DPH6: variants seen among roughly 807,000 people sequenced by gnomAD.
DPH6 encodes the protein diphthine--ammonia ligase.
Under a neutral mutation model 38.2 loss-of-function variants are expected in DPH6, and 33 were observed. The ratio of observed to expected loss-of-function variants is 0.86; its 90% confidence interval spans 0.65 to 1.15. DPH6 has a LOEUF of 1.15. Ranked by LOEUF, DPH6 falls within the 50% of genes most tolerant of loss-of-function variation. The pLI, the probability that DPH6 is intolerant of heterozygous loss-of-function variation, is 0.00. For synonymous variants in DPH6, 108 were observed against 103.0 expected (o/e 1.05, Z -0.30); for missense variants, 325 against 320.0 (o/e 1.02, Z -0.12).
At chr15:35,180,893 A>C in the DPH6 span, among the ~76,000 whole-genome samples, 1 of 152,246 alleles carries the variant, frequency 6.6e-6, no homozygotes, top group Non-Finnish European at 1.5e-5. Flanking sequence ...ATAGGCATTG[A>C]AAGTAATTTT....
At chr15:35,496,555 C>CAAAAAAAAAAAAAAA (rs1180094812) in intron 3 of DPH6, among the ~76,000 whole-genome samples, 4 of 49,254 alleles carry the variant, frequency 8.1e-5, no homozygotes, top group South Asian at 1.0e-3. Flanking sequence ...AGTTCCATCT[C>CAAAAAAAAAAAAAAA]AAAAAAAAAA....
chr15:35,393,154 G>C (rs2053082402), intron 6 of DPH6, among the ~76,000 whole-genome samples: 1 of 152,182 alleles, frequency 6.6e-6, no homozygotes, highest in African/African-American at 2.4e-5. Context: ...CTGGATGTAA[G>C]TCTAGAAGCA....
chr15:35,423,230 A>C (rs983687798), intron 5 of DPH6, among the ~76,000 whole-genome samples: 2 of 151,460 alleles, frequency 1.3e-5, no homozygotes, highest in African/African-American at 4.8e-5. Flanking sequence ...CTTTTCTGAT[A>C]CTCATTCTAA....
chr15:35,176,474 C>CTT, the DPH6 span, among the ~76,000 whole-genome samples: 4,369 of 145,088 alleles, frequency 0.03, 273 homozygotes, highest in East Asian at 0.29. Flanking sequence ...GTTGTAAGGT[C>CTT]TTTTTTTTTT....
At chr15:35,266,290 T>C (rs569623138) in intron 3 of DPH6, among the ~76,000 whole-genome samples, 2 of 152,198 alleles carry the variant, frequency 1.3e-5, no homozygotes, top group Non-Finnish European at 2.9e-5. Context: ...AGACAGCGTA[T>C]GAAAGAGGCA....
the DPH6 span, among the ~76,000 whole-genome samples, chr15:35,153,638 G>C: frequency 3.9e-5 from 6 of 152,070 alleles, no homozygotes; most frequent in Non-Finnish European, 8.8e-5. Flanking sequence ...TTGACCCTTG[G>C]AACTGTGAAG....
chr15:35,466,820 T>C (rs1453317537), intron 3 of DPH6, among the ~76,000 whole-genome samples: 2 of 152,192 alleles, frequency 1.3e-5, no homozygotes, highest in African/African-American at 4.8e-5. Context: ...ATGGTAAATA[T>C]TTGGGTATCT....
At position 35,387,045 on chromosome 15, in the gene DPH6, C is replaced by G. The variant is rs1195250278; in HGVS notation, c.568-5129G>C. Among the ~76,000 whole-genome samples the G allele has an allele frequency of 3.3e-5, 5 of 152,310 alleles. No homozygotes were observed. In the East Asian group the frequency reaches 9.6e-4, roughly 29 times the overall value. ...AAGGTGTAAGGAAGGGATCCAGTTT[C>G]AGCTTTCTACATGTAGCTAGCCAGT... On this transcript the variant is annotated intron_variant, in intron 6 of 8. Coordinates refer to ENST00000256538, the MANE Select transcript of DPH6 (RefSeq NM_080650.4).
At chr15:35,264,460 C>T (rs939854953) in intron 3 of DPH6, among the ~76,000 whole-genome samples, 1 of 152,140 alleles carries the variant, frequency 6.6e-6, no homozygotes, top group African/African-American at 2.4e-5. Context: ...CTGCATAAAG[C>T]GTAATGGACT....
At chr15:35,181,724 T>A in the DPH6 span, 2 of 152,100 alleles carry the variant, frequency 1.3e-5, no homozygotes, top group Non-Finnish European at 1.5e-5. Context: ...ATAGTTCACA[T>A]AGAGAGAAAT....
intron 3 of DPH6, among the ~76,000 whole-genome samples, chr15:35,291,311 G>A (rs2051978672): frequency 6.6e-6 from 1 of 151,976 alleles, no homozygotes; most frequent in Admixed American, 6.5e-5. Flanking sequence ...GACTTACGTT[G>A]GGAATCCTTA....
intron 3 of DPH6, among the ~76,000 whole-genome samples, chr15:35,523,119 T>C (rs1320238450): frequency 6.6e-6 from 1 of 152,044 alleles, no homozygotes; most frequent in Non-Finnish European, 1.5e-5. Context: ...CGTCCAGAAA[T>C]ATTGAACCAA....
chr15:35,200,953 A>G, the DPH6 span, among the ~76,000 whole-genome samples: 1 of 149,824 alleles, frequency 6.7e-6, no homozygotes, highest in African/African-American at 2.4e-5. Context: ...AAGAAAACTA[A>G]AATCACCTGC....
At chr15:35,255,949 A>G (rs2051705265) in intron 3 of DPH6, among the ~76,000 whole-genome samples, 1 of 152,154 alleles carries the variant, frequency 6.6e-6, no homozygotes. Context: ...TTATGCATAT[A>G]TAAAATTGAC....
chr15:35,492,010 T>TCCA, intron 3 of DPH6, among the ~76,000 whole-genome samples: 1 of 152,180 alleles, frequency 6.6e-6, no homozygotes, highest in East Asian at 1.9e-4. Flanking sequence ...AGTCCCATAA[T>TCCA]CTGCTGTCTG....
At chr15:35,231,373 C>T (rs1006353190) in intron 3 of DPH6, among the ~76,000 whole-genome samples, 1 of 152,228 alleles carries the variant, frequency 6.6e-6, no homozygotes, top group African/African-American at 2.4e-5. Flanking sequence ...CATGCTGCTG[C>T]TTCCGGGAAA....
intron 3 of DPH6, among the ~76,000 whole-genome samples, chr15:35,301,833 G>A (rs186898794): frequency 6.6e-6 from 1 of 152,212 alleles, no homozygotes; most frequent in East Asian, 1.9e-4. Context: ...AATTAGCTGG[G>A]TGTGGTGGCA....
the DPH6 span, among the ~76,000 whole-genome samples, chr15:35,192,688 G>A: frequency 4.6e-5 from 7 of 152,154 alleles, no homozygotes; most frequent in Admixed American, 1.3e-4. Flanking sequence ...GTTACTTCAC[G>A]GTGTAAAATA....
chr15:35,421,843 T>C (rs1163191898), intron 5 of DPH6, among the ~76,000 whole-genome samples: 2 of 152,086 alleles, frequency 1.3e-5, no homozygotes, highest in African/African-American at 2.4e-5. Context: ...GAAAAGATCA[T>C]TCCAGCTTCA....
Sources: gnomAD v4.1 joint callset for allele counts (sites outside exome capture counted in the v4.1 genomes callset) on GRCh38, gnomAD v4.1.1 for gene constraint, MANE v1.5 for transcripts, NCBI Gene and HGNC (gene_info 2026-07-23, HGNC 2026-07-21) for gene names.